The following CHM variants were observed in gnomAD, a reference collection of about 807,000 sequenced individuals.
The protein encoded by CHM is CHM Rab escort protein.
CHM carries 10 observed loss-of-function variants against 49.0 expected under a neutral mutation model. The ratio of observed to expected loss-of-function variants is 0.20; its 90% CI spans 0.13 to 0.35. The LOEUF (loss-of-function observed/expected upper bound fraction) is 0.35. Among genes scored for constraint, CHM ranks in the 10% least tolerant of loss-of-function variants. The pLI is 1.00. For synonymous variants in CHM, 184 were observed against 167.5 expected (o/e 1.10, Z -0.76); for missense variants, 455 against 478.4 (o/e 0.95, Z 0.46).
In CHM at chrX:85,956,342, G is replaced by T. The variant is rs200321098; in HGVS notation, c.977C>A (p.Thr326Asn). ...EEITFYEYLKTQKLTPNLQYI... is the reference protein window; with the variant it reads ...EEITFYEYLKNQKLTPNLQYI... ...TTGGAGGTTGGGGGTTAATTTTTGA[G>T]TCTTTAAATATTCATAAAATGTGAT... Residue 326 changes from threonine (T) to asparagine (N), a missense_variant, in exon 8 of 15, where the codon ACT becomes AAT. Transcript: ENST00000357749. The T allele has an allele frequency of 8.3e-7, 1 of 1,209,024 alleles. No individual in the cohort carries two copies. The highest frequency in any genetic ancestry group is 1.1e-6 in the Non-Finnish European group (1 of 894,740).
Position 85,862,147 on chromosome X carries a change from TGAAA to T in CHM, c.*2479_*2482del, listed in dbSNP as rs1290311698. 8.9e-6 allele frequency: 1 copy of T among 111,944 alleles called. No homozygotes were observed. The highest frequency in any genetic ancestry group is 3.2e-5 in the African/African-American group (1 of 30,844). 9.2% of individuals were successfully genotyped at this position (111,944 alleles called of 1,213,427 possible). A position where few individuals can be genotyped will look rare whatever the true frequency, so the allele number is the denominator to read the frequency against. ...TTTCAATCATATTTAATAAATGACC[TGAAA>T]GAGAGATTCTGATGCTAATGGATGA... On this transcript the variant is annotated 3_prime_UTR_variant, in exon 15 of 15. Coordinates refer to ENST00000357749, the MANE Select transcript of CHM (RefSeq NM_000390.4).
intron 8 of CHM, among the ~76,000 whole-genome samples, chrX:85,920,164 C>G (rs1238102909): frequency 9.2e-6 from 1 of 108,872 alleles, no homozygotes; most frequent in African/African-American, 3.3e-5. Context: ...GGCGCGATCT[C>G]GGCTCACTGC....
chrX:86,031,185 G>A (rs1024992607), intron 1 of CHM, among the ~76,000 whole-genome samples: 13 of 111,354 alleles, frequency 1.2e-4, no homozygotes, highest in African/African-American at 4.2e-4. Context: ...GAGGGAAATG[G>A]GGAGTTGCTA....
chrX:85,990,802 A>G (rs1932147450), intron 2 of CHM, among the ~76,000 whole-genome samples: 1 of 111,922 alleles, frequency 8.9e-6, no homozygotes, highest in East Asian at 2.8e-4. Context: ...ACTGGAGCTT[A>G]TTAATTAAAT....
chrX:85,867,285 T>G (rs1420429449), intron 14 of CHM, among the ~76,000 whole-genome samples: 1 of 111,806 alleles, frequency 8.9e-6, no homozygotes, highest in African/African-American at 3.3e-5. Context: ...TTGCTTTCTT[T>G]GCTCTCCTGC....
intron 14 of CHM, among the ~76,000 whole-genome samples, chrX:85,870,795 G>A (rs1160229221): frequency 9.0e-6 from 1 of 111,605 alleles, no homozygotes; most frequent in South Asian, 3.8e-4. Context: ...TTGGTATTGC[G>A]GTGGCAATAG....
At chrX:85,936,122 G>C (rs1181608887) in intron 8 of CHM, among the ~76,000 whole-genome samples, 1 of 111,882 alleles carries the variant, frequency 8.9e-6, no homozygotes, top group African/African-American at 3.2e-5. Context: ...AATATGCTCA[G>C]AACTATGGGA....
intron 14 of CHM, among the ~76,000 whole-genome samples, chrX:85,872,542 A>G (rs1000886893): frequency 9.0e-6 from 1 of 111,713 alleles, no homozygotes; most frequent in African/African-American, 3.3e-5. Context: ...GTGTCAAAAC[A>G]TAAATAGAAT....
At chrX:85,894,569 T>C (rs1363462741) in intron 11 of CHM, among the ~76,000 whole-genome samples, 2 of 111,685 alleles carry the variant, frequency 1.8e-5, no homozygotes, top group Non-Finnish European at 3.8e-5. Context: ...GTAACCATTA[T>C]CTAAATTCCA....
intron 2 of CHM, among the ~76,000 whole-genome samples, chrX:86,012,050 TA>T (rs1231638506): frequency 8.9e-6 from 1 of 112,216 alleles, no homozygotes; most frequent in East Asian, 2.8e-4. Flanking sequence ...TGTGGTAATT[TA>T]TAACAGCAGT....
chrX:85,911,134 T>G (rs867163325), intron 9 of CHM, 127 bp downstream of exon 9: 2 of 7,137 alleles, frequency 2.8e-4, no homozygotes, highest in African/African-American at 1.6e-3. Flanking sequence ...TATATGTATA[T>G]ATATATATAT....
chrX:85,960,129 C>A (rs895491167), intron 5 of CHM, among the ~76,000 whole-genome samples: 3 of 111,259 alleles, frequency 2.7e-5, no homozygotes, highest in African/African-American at 9.8e-5. Context: ...CAATTCTTAA[C>A]TCTATAATAA....
intron 8 of CHM, among the ~76,000 whole-genome samples, chrX:85,921,108 T>C (rs1927768132): frequency 1.8e-5 from 2 of 111,992 alleles, no homozygotes; most frequent in African/African-American, 6.5e-5. Flanking sequence ...TATTTTAAAA[T>C]GTGATGTATA....
intron 8 of CHM, among the ~76,000 whole-genome samples, chrX:85,920,559 A>G (rs1056155929): frequency 8.9e-6 from 1 of 112,315 alleles, no homozygotes; most frequent in Non-Finnish European, 1.9e-5. Context: ...CACAGCCAAC[A>G]ACAACAACCA....
At chrX:86,039,334 T>C (rs931170367) in intron 1 of CHM, among the ~76,000 whole-genome samples, 2 of 110,770 alleles carry the variant, frequency 1.8e-5, no homozygotes, top group Admixed American at 1.9e-4. Context: ...CTCTATACTT[T>C]AGCTTGTGTA....
chrX:85,950,206 GCACA>G lies in CHM; in HGVS notation c.1166+5943_1166+5946del, dbSNP rs56073420. 7.1e-5 allele frequency among the ~76,000 whole-genome samples: 7 copies of G among 98,837 alleles called. No individual in the cohort carries two copies. The East Asian group carries it at 9.6e-4, about 13-fold the overall frequency. The allele number at this position is 98,837 out of a possible 115,157, so 85.8% of individuals were successfully genotyped here. A position where few individuals can be genotyped will look rare whatever the true frequency, so the allele number is the denominator to read the frequency against. ...AAACTCTCAGCTAAGGAAAAGCATT[GCACA>G]CACACACACACACACACAAATCACT... On this transcript the variant is annotated intron_variant, in intron 8 of 14. Transcript: ENST00000357749.
At chrX:85,871,040 T>C (rs1433689719) in intron 14 of CHM, among the ~76,000 whole-genome samples, 21 of 109,576 alleles carry the variant, frequency 1.9e-4, no homozygotes, top group Non-Finnish European at 1.9e-5. Context: ...GGGCCGGGTG[T>C]GGTGGCTCAC....
intron 8 of CHM, among the ~76,000 whole-genome samples, chrX:85,937,791 T>G (rs747070507): frequency 9.7e-6 from 1 of 103,014 alleles, no homozygotes. Context: ...TTGCAGTGAG[T>G]CGAGATCCTG....
At chrX:85,894,685 C>A (rs1925706421) in intron 11 of CHM, among the ~76,000 whole-genome samples, 2 of 111,357 alleles carry the variant, frequency 1.8e-5, no homozygotes, top group Non-Finnish European at 3.8e-5. Context: ...TCAACTAGTA[C>A]ACTCCAAAAT....
Sources: allele counts gnomAD v4.1 joint callset (sites outside exome capture counted in the v4.1 genomes callset), GRCh38; gene constraint gnomAD v4.1.1; transcripts MANE v1.5; gene names NCBI Gene and HGNC (gene_info 2026-07-23, HGNC 2026-07-21).